ZNF536: variants seen among roughly 807,000 people sequenced by gnomAD.
ZNF536 encodes the protein zinc finger protein 536.
A neutral mutation model predicts 84.5 loss-of-function variants in ZNF536; 13 were observed. The ratio of observed to expected loss-of-function variants is 0.15; its 90% confidence interval spans 0.10 to 0.24. The LOEUF is 0.24. Among genes scored for constraint, ZNF536 ranks in the 10% least tolerant of loss-of-function variants. The pLI, the probability that ZNF536 is intolerant of heterozygous loss-of-function variation, is 1.00. For synonymous variants in ZNF536, 811 were observed against 742.5 expected (o/e 1.09, Z -1.50); for missense variants, 1,536 against 1,747.5 (o/e 0.88, Z 2.16).
intron 2 of ZNF536, among the ~76,000 whole-genome samples, chr19:30,316,704 A>G (rs751267162): frequency 1.3e-5 from 2 of 152,148 alleles, no homozygotes; most frequent in Admixed American, 6.5e-5. Flanking sequence ...TTTGCTCTTC[A>G]TTCCATGGGT....
chr19:30,379,096 T>G (rs1367575814), intron 1 of ZNF536, among the ~76,000 whole-genome samples: 1 of 152,186 alleles, frequency 6.6e-6, no homozygotes, highest in Non-Finnish European at 1.5e-5. Context: ...CAAATATTGT[T>G]TGAAATATGG....
At chr19:30,516,782 G>T (rs936125928) in intron 2 of ZNF536, among the ~76,000 whole-genome samples, 1 of 152,128 alleles carries the variant, frequency 6.6e-6, no homozygotes. Flanking sequence ...GGAGTGTGCC[G>T]GGAGGCCAGG....
Position 30,445,658 on chromosome 19 carries a change from G to C in ZNF536, c.2096G>C (p.Gly699Ala), listed in dbSNP as rs1177918706. 1 of 1,610,528 alleles carries C rather than the reference G, an allele frequency of 6.2e-7. No homozygotes were observed. ...PGSSNVTEES[G>A]VGGGLSQTGS... Reference sequence around the variant, plus strand: ...TCCTCTAACGTCACCGAGGAGAGCGGGGTCGGAGGCGGCCTCTCCCAGACC... The same window carrying C: ...TCCTCTAACGTCACCGAGGAGAGCGCGGTCGGAGGCGGCCTCTCCCAGACC... Residue 699 changes from glycine to alanine, a missense_variant, in exon 2 of 5, where the codon GGG becomes GCG. Around this residue, in one of 8 missense-constraint regions of ZNF536, gnomAD observed 148 missense variants for 205.4 expected, o/e 0.72. Transcript: ENST00000355537. This position sits in a 1 kb window ranked among gnomAD's most constrained non-coding sequence, Gnocchi z 4.5.
intron 2 of ZNF536, among the ~76,000 whole-genome samples, chr19:30,529,438 C>T (rs192930172): frequency 5.5e-4 from 83 of 152,228 alleles, no homozygotes; most frequent in Non-Finnish European, 1.0e-3. Context: ...CTGGTACTGC[C>T]GCTTTGTGGT....
intron 2 of ZNF536, among the ~76,000 whole-genome samples, chr19:30,467,097 C>T (rs899563378): frequency 3.3e-5 from 5 of 152,212 alleles, no homozygotes; most frequent in African/African-American, 9.7e-5. Flanking sequence ...CTCTGCCTCC[C>T]AAAGTGCTGG....
chr19:30,660,122 G>C (rs1203467309), intron 1 of ZNF536, among the ~76,000 whole-genome samples: 1 of 152,130 alleles, frequency 6.6e-6, no homozygotes, highest in Admixed American at 6.5e-5. Flanking sequence ...TTGCCTATTC[G>C]TGGAGAAACA....
At chr19:30,290,644 T>C (rs2110063) in intron 2 of ZNF536, among the ~76,000 whole-genome samples, 9,591 of 152,222 alleles carry the variant, frequency 0.063, 736 homozygotes, top group Admixed American at 0.16. Flanking sequence ...TTATGAATAA[T>C]ACTGCTGTAA....
At chr19:30,242,483 T>C (rs994618326) in intron 1 of ZNF536, among the ~76,000 whole-genome samples, 7 of 152,170 alleles carry the variant, frequency 4.6e-5, no homozygotes, top group African/African-American at 1.7e-4. Flanking sequence ...GTCACAACAG[T>C]ATTTTGGGTT....
intron 1 of ZNF536, among the ~76,000 whole-genome samples, chr19:30,396,595 T>C (rs1307013568): frequency 2.7e-5 from 1 of 37,208 alleles, no homozygotes; most frequent in Non-Finnish European, 7.5e-5. Flanking sequence ...GCTCTCTCTT[T>C]TTTTTTTTTT....
intron 1 of ZNF536, among the ~76,000 whole-genome samples, chr19:30,402,508 G>C (rs987247774): frequency 3.3e-5 from 5 of 151,998 alleles, no homozygotes; most frequent in African/African-American, 1.2e-4. Flanking sequence ...GGAGGAAGCA[G>C]CATTCATTTC....
rs2046018533 is a variant in ZNF536, at chr19:30,557,814, A to G, written c.*650A>G. 1.3e-5 allele frequency: 2 copies of G among 152,608 alleles called. No homozygotes were observed. The highest frequency in any genetic ancestry group is 2.4e-5 in the African/African-American group (1 of 41,426). 9.5% of individuals were successfully genotyped at this position (152,608 alleles called of 1,614,324 possible). A position where few individuals can be genotyped will look rare whatever the true frequency, so the allele number is the denominator to read the frequency against. On this transcript the variant is annotated 3_prime_UTR_variant, in exon 5 of 5. Coordinates refer to ENST00000355537, the MANE Select transcript of ZNF536 (RefSeq NM_014717.3). Reference sequence around the variant, plus strand: ...AAAATATGTAAACTTGTACGGGGTGATCGTGTGCTTTGGAACAGAGTATTG... The same window carrying G: ...AAAATATGTAAACTTGTACGGGGTGGTCGTGTGCTTTGGAACAGAGTATTG...
chr19:30,349,405 T>C (rs930468378), intron 2 of ZNF536, among the ~76,000 whole-genome samples: 1 of 152,212 alleles, frequency 6.6e-6, no homozygotes. Context: ...AAAATGTTCC[T>C]GCCTTCCTTA....
intron 2 of ZNF536, among the ~76,000 whole-genome samples, chr19:30,485,151 T>G (rs1307141243): frequency 1.3e-5 from 2 of 148,680 alleles, no homozygotes; most frequent in Non-Finnish European, 3.0e-5. Context: ...CTCAAAAACA[T>G]AAATAAATAA....
intron 3 of ZNF536, among the ~76,000 whole-genome samples, chr19:30,541,564 G>C (rs2045334352): frequency 6.6e-6 from 1 of 152,014 alleles, no homozygotes; most frequent in Admixed American, 6.6e-5. Flanking sequence ...AACTTTTGTT[G>C]AAAATAATTG....
At chr19:30,639,304 G>T in intron 1 of ZNF536, among the ~76,000 whole-genome samples, 2 of 152,114 alleles carry the variant, frequency 1.3e-5, no homozygotes, top group South Asian at 4.2e-4. Flanking sequence ...TTTTAAGAAC[G>T]TATTTTGTTG....
Position 30,564,856 on chromosome 19 carries a change from A to G in ZNF536, c.169+15342A>G, listed in dbSNP as rs140464677. Among the ~76,000 whole-genome samples the G allele has an allele frequency of 4.4e-3, 671 of 152,306 alleles. 1 individual carries two copies. The highest frequency in any genetic ancestry group is 6.8e-3 in the Middle Eastern group (2 of 294). On this transcript the variant is annotated intron_variant, in intron 1 of 1. Transcript: ENST00000592773. ...GGAAGTAATGTGAGTTATGACTCCA[A>G]GGATTGGAAACGGGGAGATGCTCCA...
At chr19:30,301,412 G>A (rs1257477262) in intron 2 of ZNF536, among the ~76,000 whole-genome samples, 1 of 152,200 alleles carries the variant, frequency 6.6e-6, no homozygotes, top group African/African-American at 2.4e-5. Flanking sequence ...CAGAAGGGAT[G>A]CCCTGGGTCC....
chr19:30,687,240 A>C (rs1448559153), intron 1 of ZNF536, among the ~76,000 whole-genome samples: 1 of 152,216 alleles, frequency 6.6e-6, no homozygotes, highest in Admixed American at 6.5e-5. Flanking sequence ...GCTGACTTGC[A>C]AAACAGGATG....
rs1052093130 is a variant in ZNF536 at position 30,266,392 on chromosome 19, G to T, written c.-189-17680G>T. On this transcript the variant is annotated intron_variant, in intron 1 of 5. Coordinates refer to the ZNF536 transcript ENST00000585628. Reference sequence around the variant, plus strand: ...ATCCCCATCACGGTCAGACTGATTGGCACCATGTGGCCTGTCATCCAGAAA... The same window carrying T: ...ATCCCCATCACGGTCAGACTGATTGTCACCATGTGGCCTGTCATCCAGAAA... Among the ~76,000 whole-genome samples the T allele has an allele frequency of 8.5e-5, 13 of 152,194 alleles. No homozygotes were observed. In the East Asian group the frequency reaches 2.5e-3, roughly 29 times the overall value.
Sources: allele counts gnomAD v4.1 joint callset (sites outside exome capture counted in the v4.1 genomes callset), GRCh38; gene constraint gnomAD v4.1.1; regional missense constraint gnomAD v4.1.1; non-coding constraint Gnocchi (gnomAD v3.1); transcripts MANE v1.5; gene names NCBI Gene and HGNC (gene_info 2026-07-23, HGNC 2026-07-21).